Variants in GRAMD4 observed in about 807,000 individuals in gnomAD.
GRAMD4 encodes GRAM domain-containing protein 4.
GRAMD4 carries 25 observed loss-of-function variants against 83.9 expected under a neutral mutation model. The observed-to-expected ratio is 0.30, with a 90% CI of 0.22 to 0.42. The LOEUF (loss-of-function observed/expected upper bound fraction) is 0.42. Among genes scored for constraint, GRAMD4 ranks in the 10% least tolerant of loss-of-function variants. The probability of loss-of-function intolerance (pLI) is 1.00; values close to 1 mark genes in which losing one functional copy is unlikely to be tolerated. For missense variants in GRAMD4, 593 were observed against 788.7 expected, an observed-to-expected ratio of 0.75 and a Z score of 2.97; for synonymous variants, 336 against 320.9, an observed-to-expected ratio of 1.05 and a Z score of -0.50.
At chr22:46,642,561 T>G (rs1322136438) in intron 3 of GRAMD4, among the ~76,000 whole-genome samples, 1 of 152,244 alleles carries the variant, frequency 6.6e-6, no homozygotes, top group Non-Finnish European at 1.5e-5. Flanking sequence ...TATCACAAGA[T>G]TACTCAATGC....
chr22:46,663,287 G>T, intron 6 of GRAMD4, 115 bp downstream of exon 6: 1 of 1,023,730 alleles, frequency 9.8e-7, no homozygotes, highest in Non-Finnish European at 1.4e-6. Context: ...CTGTGAGGCT[G>T]CCGAGAGCTC....
At chr22:46,579,112 G>A (rs1047559446) in intron 1 of GRAMD4, among the ~76,000 whole-genome samples, 4 of 152,232 alleles carry the variant, frequency 2.6e-5, no homozygotes, top group Non-Finnish European at 5.9e-5. Context: ...GGAGAGCACG[G>A]GAAAGTCTCC....
intron 3 of GRAMD4, among the ~76,000 whole-genome samples, chr22:46,651,764 G>A (rs1055901618): frequency 2.6e-5 from 4 of 152,184 alleles, no homozygotes; most frequent in South Asian, 2.1e-4. Context: ...AGAGAGGCTC[G>A]GTGTGCACTT....
chr22:46,623,010 G>A (rs2081599595), intron 1 of GRAMD4, among the ~76,000 whole-genome samples: 1 of 152,010 alleles, frequency 6.6e-6, no homozygotes, highest in South Asian at 2.1e-4. Context: ...GTAATAGGGA[G>A]GCATTTTAGG....
chr22:46,639,191 GGT>G lies in GRAMD4; in HGVS notation c.283+1233_283+1234del, dbSNP rs2081937026. ...GTGTGTGTGTGTGTGTATGTACAGT[GGT>G]GGTTAACTCTGTGTATGCATGTGTG... On this transcript the variant is annotated intron_variant, in intron 3 of 18. Coordinates refer to ENST00000406902, the MANE Select transcript of GRAMD4 (RefSeq NM_015124.5). Among the ~76,000 whole-genome samples, 3 of 148,672 alleles carry G rather than the reference GGT, an allele frequency of 2.0e-5. No individual in the cohort carries two copies. The South Asian group carries it at 6.5e-4, about 32-fold the overall frequency.
At chr22:46,670,577 C>T (rs1675444458) in intron 13 of GRAMD4, among the ~76,000 whole-genome samples, 2 of 152,146 alleles carry the variant, frequency 1.3e-5, no homozygotes, top group South Asian at 4.1e-4. Context: ...GGGGTGTGCA[C>T]CTGGGTCTTG....
chr22:46,660,038 TC>T (rs907690541), intron 4 of GRAMD4, among the ~76,000 whole-genome samples: 1 of 152,154 alleles, frequency 6.6e-6, no homozygotes, highest in Non-Finnish European at 1.5e-5. Context: ...CCTGAGGCTG[TC>T]CCCGTGGCCC....
chr22:46,582,245 G>C (rs1168573036), intron 1 of GRAMD4, among the ~76,000 whole-genome samples: 1 of 152,150 alleles, frequency 6.6e-6, no homozygotes, highest in Non-Finnish European at 1.5e-5. Context: ...TTGTCCCTGG[G>C]GAACAGGAGG....
chr22:46,643,205 A>G (rs1290159295), intron 3 of GRAMD4, among the ~76,000 whole-genome samples: 2 of 129,020 alleles, frequency 1.6e-5, no homozygotes, highest in Non-Finnish European at 3.5e-5. Flanking sequence ...CCATCCATCT[A>G]TCCATCCATT....
At chr22:46,597,415 G>A (rs563831932) in intron 1 of GRAMD4, among the ~76,000 whole-genome samples, 1 of 152,334 alleles carries the variant, frequency 6.6e-6, no homozygotes, top group South Asian at 2.1e-4. Flanking sequence ...TTGGGTGGTA[G>A]TTACCTCTCC....
intron 1 of GRAMD4, among the ~76,000 whole-genome samples, chr22:46,581,834 T>A (rs1602286196): frequency 1.3e-5 from 2 of 152,238 alleles, no homozygotes; most frequent in Admixed American, 6.5e-5. Flanking sequence ...GTGCTTGATC[T>A]TGCTGCTGTG....
At chr22:46,611,524 CTTCCT>C (rs1036952501) in intron 1 of GRAMD4, among the ~76,000 whole-genome samples, 1 of 152,152 alleles carries the variant, frequency 6.6e-6, no homozygotes, top group African/African-American at 2.4e-5. Context: ...GCAGATGCTT[CTTCCT>C]TTCAACATTG....
At chr22:46,616,331 T>C (rs1456472162), upstream of GRAMD4, among the ~76,000 whole-genome samples, 2 of 33,286 alleles carry the variant, frequency 6.0e-5, no homozygotes, top group Admixed American at 2.8e-4. Context: ...CCTGTGTGTG[T>C]AGGTTCCCCT....
rs1166398813 is a variant in GRAMD4, at chr22:46,621,832, CAT to C, written c.-50+1268_-50+1269del. On this transcript the variant is annotated intron_variant, in intron 1 of 18. Coordinates refer to ENST00000406902, the MANE Select transcript of GRAMD4 (RefSeq NM_015124.5). This position sits in a 1 kb window ranked among gnomAD's most constrained non-coding sequence, Gnocchi z 5.8. ...GTCCATCCCTGGCAGTGTGTGGTGA[CAT>C]GTGTCGTGACATGGAGTTTGATTCT... Among the ~76,000 whole-genome samples, 3 of 152,336 alleles carry C rather than the reference CAT, an allele frequency of 2.0e-5. No individual in the cohort carries two copies. The highest frequency in any genetic ancestry group is 6.5e-5 in the Admixed American group (1 of 15,304).
At chr22:46,609,103 TA>T (rs59663541) in intron 1 of GRAMD4, among the ~76,000 whole-genome samples, 32,866 of 135,104 alleles carry the variant, frequency 0.24, 3,871 homozygotes, top group East Asian at 0.35. Context: ...ACCTTGTCTC[TA>T]AAAAAAAAAA....
chr22:46,613,249 CT>C (rs201701069), intron 1 of GRAMD4, among the ~76,000 whole-genome samples: 2,525 of 152,368 alleles, frequency 0.017, 35 homozygotes, highest in Non-Finnish European at 0.024. Flanking sequence ...GCAGGGGCCC[CT>C]GTCCGAGGTC....
rs2081920464 is a variant in GRAMD4 at position 46,638,196 on chromosome 22, A to G, written c.283+236A>G. Among the ~76,000 whole-genome samples the G allele has an allele frequency of 2.0e-5, 3 of 152,318 alleles. No individual in the cohort carries two copies. In the South Asian group the frequency reaches 6.2e-4, roughly 32 times the overall value. ...TGCGGCCCTGCTAAGCCGGCACTCA[A>G]GGTTGCTCCACAGGGGCTGGGGGCG... On this transcript the variant is annotated intron_variant, in intron 3 of 18. Transcript: ENST00000406902.
chr22:46,673,543 A>G, intron 14 of GRAMD4, 127 bp from the exon 15 acceptor site: 1 of 1,184,928 alleles, frequency 8.4e-7, no homozygotes, highest in Non-Finnish European at 1.2e-6. Flanking sequence ...CTGGGCCGGA[A>G]GGGACCTCGG....
chr22:46,626,382 G>A (rs959423343), intron 1 of GRAMD4, among the ~76,000 whole-genome samples: 3 of 152,098 alleles, frequency 2.0e-5, no homozygotes, highest in Admixed American at 6.5e-5. Flanking sequence ...CCGCCTCGCC[G>A]AGCCAGGCTG....
Sources: allele counts gnomAD v4.1 joint callset (sites outside exome capture counted in the v4.1 genomes callset), GRCh38; gene constraint gnomAD v4.1.1; non-coding constraint Gnocchi (gnomAD v3.1); transcripts MANE v1.5; gene names NCBI Gene and HGNC (gene_info 2026-07-23, HGNC 2026-07-21).